MYH10: variants seen among roughly 807,000 people sequenced by gnomAD.
MYH10 encodes myosin heavy chain 10.
In MYH10, 55 loss-of-function variants were observed where a neutral mutation model predicts 257.8. That is an observed-to-expected ratio of 0.21 (90% CI 0.17 to 0.27). The LOEUF is 0.27. MYH10 is among the 10% of genes least tolerant of loss of function. The pLI, the probability that MYH10 is intolerant of heterozygous loss-of-function variation, is 1.00. For missense variants in MYH10, 1,631 were observed against 2,500.6 expected, an observed-to-expected ratio of 0.65 and a Z score of 7.42; for synonymous variants, 854 against 921.7, an observed-to-expected ratio of 0.93 and a Z score of 1.33.
rs566955870 is a variant in MYH10, at chr17:8,475,055, A to C, written c.*749T>G. On this transcript the variant is annotated 3_prime_UTR_variant, in exon 43 of 43. Transcript: ENST00000360416. ...GGTTCGGGAGACCATCTGGAAGTCT[A>C]CATGATCCATGGCTGCCACCTGGGG... The C allele has an allele frequency of 6.6e-6, 1 of 152,534 alleles. No individual in the cohort carries two copies. Among genetic ancestry groups the C allele is most frequent in the Non-Finnish European group, 1.5e-5 (1 of 68,258 alleles). The allele number at this position is 152,534 out of a possible 1,614,324, so 9.4% of individuals were successfully genotyped here.
At chr17:8,590,105 C>G (rs2084067551) in intron 3 of MYH10, among the ~76,000 whole-genome samples, 1 of 152,168 alleles carries the variant, frequency 6.6e-6, no homozygotes, top group African/African-American at 2.4e-5. Context: ...GCTGTGCTTT[C>G]TTTTCCTCTG....
chr17:8,602,477 G>A (rs772199525), intron 3 of MYH10, among the ~76,000 whole-genome samples: 11 of 152,220 alleles, frequency 7.2e-5, no homozygotes, highest in Non-Finnish European at 1.5e-4. Flanking sequence ...GGTAGCCGGT[G>A]TGAGCTTTAC....
rs1366433716 is a variant in MYH10, at chr17:8,477,940, T to G, written c.5706+398A>C. ...GGTGCAGCGTGCAGTACCTTTGTCT[T>G]CCCTTCACTTTCTATTCAGTATCTC... On this transcript the variant is annotated intron_variant, in intron 41 of 42. Transcript: ENST00000360416. This position sits in a 1 kb window ranked among gnomAD's most constrained non-coding sequence, Gnocchi z 4.2. Among the ~76,000 whole-genome samples, 1 of 152,138 alleles carries G rather than the reference T, an allele frequency of 6.6e-6. No individual in the cohort carries two copies. Among genetic ancestry groups the G allele is most frequent in the Non-Finnish European group, 1.5e-5 (1 of 68,022 alleles).
chr17:8,503,995 A>G (rs2080991752), intron 28 of MYH10, among the ~76,000 whole-genome samples: 1 of 152,120 alleles, frequency 6.6e-6, no homozygotes, highest in Non-Finnish European at 1.5e-5. Context: ...GATGACACCT[A>G]TGAGTCCGTG....
chr17:8,521,427 C>T, intron 17 of MYH10, 142 bp from the exon 18 acceptor site: 2 of 826,772 alleles, frequency 2.4e-6, no homozygotes, highest in Non-Finnish European at 3.8e-6. Flanking sequence ...AGTCAGCATA[C>T]TTAGGCACTG....
chr17:8,520,697 TC>T (rs2081624433), intron 19 of MYH10, among the ~76,000 whole-genome samples, 180 bp downstream of exon 19: 1 of 152,156 alleles, frequency 6.6e-6, no homozygotes, highest in African/African-American at 2.4e-5. Context: ...CACTCAATCT[TC>T]CTACCAATAA....
At chr17:8,565,522 A>G (rs1295181443) in intron 7 of MYH10, among the ~76,000 whole-genome samples, 1 of 152,240 alleles carries the variant, frequency 6.6e-6, no homozygotes, top group African/African-American at 2.4e-5. Flanking sequence ...ATAAAAGTTG[A>G]CTTTCTAAGA....
At chr17:8,595,841 T>A (rs2084348329) in intron 3 of MYH10, among the ~76,000 whole-genome samples, 1 of 152,188 alleles carries the variant, frequency 6.6e-6, no homozygotes, top group Non-Finnish European at 1.5e-5. Flanking sequence ...ATCAGAAGAT[T>A]CAATACAAAG....
At chr17:8,568,279 A>T (rs967022177) in intron 7 of MYH10, among the ~76,000 whole-genome samples, 10 of 152,132 alleles carry the variant, frequency 6.6e-5, no homozygotes, top group African/African-American at 2.4e-4. Context: ...ATTGTGGAAA[A>T]GTACATTTCT....
At chr17:8,578,243 C>CTTTTTTTTTT (rs5819199) in intron 4 of MYH10, among the ~76,000 whole-genome samples, 3 of 129,212 alleles carry the variant, frequency 2.3e-5, no homozygotes, top group Admixed American at 8.1e-5. Context: ...TTCTTTCTTT[C>CTTTTTTTTTT]TTTTTTTTTT....
chr17:8,618,650 A>G (rs1355762450), intron 2 of MYH10, among the ~76,000 whole-genome samples: 1 of 152,220 alleles, frequency 6.6e-6, no homozygotes, highest in African/African-American at 2.4e-5. Context: ...CGTATTGAAC[A>G]AGTCTTTTTA....
chr17:8,558,050 T>C (rs1168122098), intron 7 of MYH10, among the ~76,000 whole-genome samples: 1 of 152,224 alleles, frequency 6.6e-6, no homozygotes, highest in Non-Finnish European at 1.5e-5. Context: ...ATTTTTCTTC[T>C]ATAGAGACCT....
At position 8,490,254 on chromosome 17, in the gene MYH10, C is replaced by G; in HGVS notation, c.4884+86G>C. On this transcript the variant is annotated intron_variant, in intron 35 of 42. Transcript: ENST00000360416. The surrounding 1 kb of genome is among the most constrained non-coding windows in gnomAD (Gnocchi z 4.1). ...TACTCTGTGTTTACTCAGATGTGTT[C>G]TAACACGAATGAACAGGATACTGAC... 8.5e-7 allele frequency: 1 copy of G among 1,175,812 alleles called. No individual in the cohort carries two copies. Among genetic ancestry groups the G allele is most frequent in the South Asian group, 1.2e-5 (1 of 81,324 alleles). 72.8% of individuals were successfully genotyped at this position (1,175,812 alleles called of 1,614,324 possible).
chr17:8,608,848 G>A (rs2084912595), intron 2 of MYH10, among the ~76,000 whole-genome samples: 1 of 141,442 alleles, frequency 7.1e-6, no homozygotes, highest in African/African-American at 2.7e-5. Flanking sequence ...GTCTCGCTCT[G>A]TCGCCAGGCT....
At chr17:8,562,480 GTTTTAC>G (rs1324392629) in intron 7 of MYH10, among the ~76,000 whole-genome samples, 1 of 152,188 alleles carries the variant, frequency 6.6e-6, no homozygotes, top group Non-Finnish European at 1.5e-5. Flanking sequence ...GAAAATACGA[GTTTTAC>G]TTTTAAGTGG....
rs192131381 is a variant in MYH10, at chr17:8,503,252, C to T, written c.3599+1442G>A. On this transcript the variant is annotated intron_variant, in intron 28 of 42. Transcript: ENST00000360416. Reference sequence around the variant, plus strand: ...GAGCCGAGATCGCACCATCGTGCTCCGGCCTGGGCAACAAGAGCGAAACTC... The same window carrying T: ...GAGCCGAGATCGCACCATCGTGCTCTGGCCTGGGCAACAAGAGCGAAACTC... 2.1e-4 allele frequency among the ~76,000 whole-genome samples: 32 copies of T among 151,288 alleles called. No homozygotes were observed. In the East Asian group the frequency reaches 3.5e-3, roughly 16 times the overall value.
chr17:8,592,796 T>C (rs1300462456), intron 3 of MYH10, among the ~76,000 whole-genome samples: 1 of 66,778 alleles, frequency 1.5e-5, no homozygotes, highest in Non-Finnish European at 2.7e-5. Flanking sequence ...GAGACAAACC[T>C]TACCCTGATA....
At chr17:8,533,894 G>A (rs1177835352) in intron 16 of MYH10, among the ~76,000 whole-genome samples, 1 of 152,194 alleles carries the variant, frequency 6.6e-6, no homozygotes, top group Non-Finnish European at 1.5e-5. Flanking sequence ...CACTGTCACA[G>A]CTGAAGTGAT....
At chr17:8,547,039 C>A (rs1472286) in intron 11 of MYH10, among the ~76,000 whole-genome samples, 61,765 of 151,896 alleles carry the variant, frequency 0.41, 12,552 homozygotes, top group East Asian at 0.5. Flanking sequence ...GTTCACTCCT[C>A]CCTAGGCAAC....
Sources: gnomAD v4.1 joint callset for allele counts (sites outside exome capture counted in the v4.1 genomes callset) on GRCh38, gnomAD v4.1.1 for gene constraint, Gnocchi (gnomAD v3.1) non-coding constraint, MANE v1.5 for transcripts, NCBI Gene and HGNC (gene_info 2026-07-23, HGNC 2026-07-21) for gene names.